ZNF668: variants seen among roughly 807,000 people sequenced by gnomAD.
ZNF668 encodes the protein zinc finger protein 668.
A neutral mutation model predicts 40.3 loss-of-function variants in ZNF668; 10 were observed. The ratio of observed to expected loss-of-function variants is 0.25; its 90% CI spans 0.15 to 0.42. The LOEUF (loss-of-function observed/expected upper bound fraction) is 0.42, where lower values mean the gene tolerates loss of function less well. ZNF668 is among the 10% of genes least tolerant of loss of function. The pLI, the probability that ZNF668 is intolerant of heterozygous loss-of-function variation, is 1.00. For missense variants in ZNF668, 749 were observed against 904.6 expected (o/e 0.83, Z 2.21); for synonymous variants, 428 against 384.6 (o/e 1.11, Z -1.32).
At position 31,064,010 on chromosome 16, in the gene ZNF668, G is replaced by A. The variant is rs765786681; in HGVS notation, c.450C>T (p.Gly150=). The A allele has an allele frequency of 1.9e-6, 3 of 1,608,078 alleles. No homozygotes were observed. The highest frequency in any genetic ancestry group is 2.6e-6 in the Non-Finnish European group (3 of 1,176,114). The change falls in exon 2 of 3, where the codon GGC becomes GGT. Residue 150 remains glycine (G), a synonymous_variant. Transcript: ENST00000300849. ...GGTGGATCTTGAGCTTGGAGAGCGC[G>A]CCATAGGCCTTCGGGCAGTGCGCAC... The part of the protein sequence containing the change: ...FRCAHCPKAY[G]ALSKLKIHQR...
intron 1 of ZNF668, among the ~76,000 whole-genome samples, chr16:31,068,501 C>T (rs1452513534): frequency 6.8e-6 from 1 of 146,542 alleles, no homozygotes; most frequent in African/African-American, 2.5e-5. Context: ...GGATTACAGG[C>T]GAGAGCCACC....
intron 1 of ZNF668, among the ~76,000 whole-genome samples, chr16:31,068,243 T>A (rs867449907): frequency 0.44 from 20,286 of 46,202 alleles, 3,445 homozygotes; most frequent in South Asian, 0.66. Flanking sequence ...AAAAAAAATA[T>A]ATATATATAT....
At chr16:31,066,080 C>T (rs2143769871) in intron 1 of ZNF668, 2 of 985,388 alleles carry the variant, frequency 2.0e-6, no homozygotes, top group South Asian at 9.4e-5. Flanking sequence ...GCAAGGGCCA[C>T]ATCCTTAAAG....
intron 1 of ZNF668, among the ~76,000 whole-genome samples, chr16:31,068,220 T>TTAAAAA (rs1555498568): frequency 1.1e-4 from 1 of 9,380 alleles, no homozygotes; most frequent in African/African-American, 2.9e-4. Context: ...ATCCCACCAT[T>TTAAAAA]AAAAAAAAAA....
chr16:31,069,470 T>C (rs901174879), intron 1 of ZNF668, among the ~76,000 whole-genome samples: 12 of 152,142 alleles, frequency 7.9e-5, no homozygotes, highest in Non-Finnish European at 1.3e-4. Flanking sequence ...TGTGTAGCTG[T>C]CTTTTTTGGT....
In ZNF668 at chr16:31,063,829, G is replaced by T; in HGVS notation, c.631C>A (p.Leu211Ile). ...CGKAYAELKD[L>I]RNHERSHTGE... is the part of the protein sequence containing the mutation. ...CACCCTCACCGCTCATGGTTGCGGA[G>T]GTCCTTGAGCTCCGCATAGGCTTTG... Residue 211 changes from leucine to isoleucine, a missense_variant, in exon 2 of 3, where the codon CTC becomes ATC. Transcript: ENST00000300849. 1 of 1,576,758 alleles carries T rather than the reference G, an allele frequency of 6.3e-7. No individual in the cohort carries two copies. The highest frequency in any genetic ancestry group is 2.3e-5 in the East Asian group (1 of 43,414).
At position 31,061,168 on chromosome 16, in the gene ZNF668, A is replaced by G; in HGVS notation, c.1760T>C (p.Leu587Ser). ...AGGGTGGGTGCGTTCATGCTTGCGC[A>G]AGTCGCTGGCACTCAAGAAGGCCTT... Reference protein sequence around the residue: ...CPKAFLSASDLRKHERTHPVP... With the variant: ...CPKAFLSASDSRKHERTHPVP... The change falls in exon 3 of 3, where the codon TTG becomes TCG. Residue 587 changes from leucine (L) to serine (S), a missense_variant. Leu to Ser is a moderately radical substitution (Grantham distance 145). Transcript: ENST00000300849. The surrounding 1 kb of genome is among the most constrained non-coding windows in gnomAD (Gnocchi z 7.7). The G allele has an allele frequency of 3.3e-6, 5 of 1,518,268 alleles. No individual in the cohort carries two copies. The highest frequency in any genetic ancestry group is 4.4e-6 in the Non-Finnish European group (5 of 1,134,542). The allele number at this position is 1,518,268 out of a possible 1,614,324, so 94.0% of individuals were successfully genotyped here.
rs760376964 is a variant in ZNF668 at position 31,061,775 on chromosome 16, C to G, written c.1153G>C (p.Val385Leu). The change falls in exon 3 of 3, where the codon GTG (valine) becomes CTG (leucine). Residue 385 changes from valine to leucine, a missense_variant. Coordinates refer to ENST00000300849, the MANE Select transcript of ZNF668 (RefSeq NM_024706.5). This position sits in a 1 kb window ranked among gnomAD's most constrained non-coding sequence, Gnocchi z 7.7. ...TGGAAGGGGCGCTCCCCCGAGTGCACCCGGCTATGCTTCGTGAGGCTGGCA... is the reference window on the plus strand; with the variant it reads ...TGGAAGGGGCGCTCCCCCGAGTGCAGCCGGCTATGCTTCGTGAGGCTGGCA... ...ERASLTKHSR[V>L]HSGERPFHCN... is the part of the protein sequence containing the mutation. 2 of 1,610,842 alleles carry G rather than the reference C, an allele frequency of 1.2e-6. No individual in the cohort carries two copies. Among genetic ancestry groups the G allele is most frequent in the Non-Finnish European group, 8.5e-7 (1 of 1,179,302 alleles).
chr16:31,064,581 C>T, intron 1 of ZNF668, 100 bp from the exon 2 acceptor site: 1 of 1,561,032 alleles, frequency 6.4e-7, no homozygotes, highest in Non-Finnish European at 8.6e-7. Flanking sequence ...CCTCGGAACC[C>T]ACACATCCTT....
intron 1 of ZNF668, among the ~76,000 whole-genome samples, chr16:31,065,747 G>T (rs1037518559): frequency 1.3e-5 from 2 of 151,958 alleles, no homozygotes; most frequent in Non-Finnish European, 1.5e-5. Context: ...CCAGCTACTC[G>T]GGAGGCTGAG....
chr16:31,067,400 G>C (rs944291382), intron 1 of ZNF668, among the ~76,000 whole-genome samples: 1 of 152,114 alleles, frequency 6.6e-6, no homozygotes, highest in African/African-American at 2.4e-5. Flanking sequence ...CCAGAGAAAT[G>C]GTTCAGTATT....
At chr16:31,068,423 T>C (rs895240365) in intron 1 of ZNF668, among the ~76,000 whole-genome samples, 3 of 150,298 alleles carry the variant, frequency 2.0e-5, no homozygotes, top group African/African-American at 7.3e-5. Flanking sequence ...GGGGTTTCAC[T>C]GTGTTAGCCA....
At position 31,061,401 on chromosome 16, in the gene ZNF668, A is replaced by G; in HGVS notation, c.1527T>C (p.Ala509=). ...EGAGEAGGEE[A]DEKPPQFVCR... is the part of the protein sequence containing the mutation. ...ACACAAACTGGGGGGGCTTCTCGTC[A>G]GCCTCCTCACCCCCCGCCTCGCCTG... Residue 509 remains alanine, a synonymous_variant, in exon 3 of 3, where the codon GCT becomes GCC. Transcript: ENST00000300849. This position sits in a 1 kb window ranked among gnomAD's most constrained non-coding sequence, Gnocchi z 7.7. 1 of 1,613,766 alleles carries G rather than the reference A, an allele frequency of 6.2e-7. No homozygotes were observed. The highest frequency in any genetic ancestry group is 1.1e-5 in the South Asian group (1 of 91,076).
chr16:31,063,202 AG>A (rs1195102626), intron 2 of ZNF668, among the ~76,000 whole-genome samples: 24 of 152,070 alleles, frequency 1.6e-4, no homozygotes, highest in Non-Finnish European at 2.6e-4. Flanking sequence ...GCCTGACCAT[AG>A]CTCACTGCAG....
intron 2 of ZNF668, among the ~76,000 whole-genome samples, chr16:31,063,227 G>A (rs1449356713): frequency 6.6e-6 from 1 of 152,104 alleles, no homozygotes; most frequent in Non-Finnish European, 1.5e-5. Flanking sequence ...CGACCTCCCA[G>A]GCTCAGGCCA....
At position 31,061,738 on chromosome 16, in the gene ZNF668, C is replaced by T. The variant is rs777801120; in HGVS notation, c.1190G>A (p.Cys397Tyr). The change falls in exon 3 of 3, where the codon TGT becomes TAT. Residue 397 changes from cysteine (C) to tyrosine (Y), a missense_variant. Around this residue, in one of 4 missense-constraint regions of ZNF668, gnomAD observed 310 missense variants for 355.1 expected, o/e 0.87. Transcript: ENST00000300849. The surrounding 1 kb of genome is among the most constrained non-coding windows in gnomAD (Gnocchi z 7.7). The stretch of plus-strand genomic sequence containing the variant: ...CGACGACACCACAAAGGATTTCCCA[C>T]ATGCGTTACAGTGGAAGGGGCGCTC... The part of the protein sequence containing the change: ...SGERPFHCNA[C>Y]GKSFVVSSSL... The T allele has an allele frequency of 6.2e-7, 1 of 1,613,640 alleles. No homozygotes were observed.
chr16:31,073,166 G>T (rs1258939858), intron 1 of ZNF668: 1 of 152,376 alleles, frequency 6.6e-6, no homozygotes, highest in Non-Finnish European at 1.5e-5. Context: ...CTCAGAAAAC[G>T]TGGCTTCGGA....
intron 1 of ZNF668, among the ~76,000 whole-genome samples, chr16:31,070,761 C>T (rs577393760): frequency 7.2e-4 from 109 of 151,592 alleles, no homozygotes; most frequent in Admixed American, 1.6e-3. Flanking sequence ...AGGCTGGTCT[C>T]GAACTCCTGA....
intron 1 of ZNF668, chr16:31,065,070 C>T: frequency 9.6e-7 from 1 of 1,036,594 alleles, no homozygotes; most frequent in Non-Finnish European, 1.2e-6. Context: ...GTACGGGCCT[C>T]CGCCCCAGAC....
Sources: allele counts gnomAD v4.1 joint callset (sites outside exome capture counted in the v4.1 genomes callset), GRCh38; gene constraint gnomAD v4.1.1; regional missense constraint gnomAD v4.1.1; non-coding constraint Gnocchi (gnomAD v3.1); transcripts MANE v1.5; gene names NCBI Gene and HGNC (gene_info 2026-07-23, HGNC 2026-07-21).